The following LAMC3 variants were observed in gnomAD, a reference collection of about 807,000 sequenced individuals.
LAMC3 encodes the protein laminin subunit gamma-3.
Under a neutral mutation model 173.8 loss-of-function variants are expected in LAMC3, and 128 were observed. That is an observed-to-expected ratio of 0.74 (90% CI 0.64 to 0.85). LAMC3 has a LOEUF of 0.85. LAMC3 is among the 40% of genes least tolerant of loss of function. The pLI, the probability that LAMC3 is intolerant of heterozygous loss-of-function variation, is 0.00. For missense variants in LAMC3, 2,022 were observed against 2,156.0 expected, an observed-to-expected ratio of 0.94 and a Z score of 1.23; for synonymous variants, 897 against 909.1, an observed-to-expected ratio of 0.99 and a Z score of 0.24.
intron 13 of LAMC3, among the ~76,000 whole-genome samples, chr9:131,062,193 C>G (rs1358736255): frequency 1.3e-5 from 2 of 151,996 alleles, no homozygotes; most frequent in East Asian, 1.9e-4. Flanking sequence ...AAACCCGTCT[C>G]TACTAAAAAT....
chr9:131,075,792 C>T (rs1216883782), intron 20 of LAMC3, 39 bp from the exon 21 acceptor site: 6 of 1,589,118 alleles, frequency 3.8e-6, no homozygotes, highest in South Asian at 2.3e-5. Context: ...CCCTTCCCTG[C>T]GAGCCCTTGG....
In LAMC3 at chr9:131,029,601, C is replaced by T. The variant is rs1373903291; in HGVS notation, c.679-2444C>T. The stretch of plus-strand genomic sequence containing the variant: ...GGCAAGTCTACCTTGCTCTTTTCTC[C>T]TCATGCTCCCTCTGGACACATTTAG... On this transcript the variant is annotated intron_variant, in intron 2 of 27. Transcript: ENST00000361069. This position sits in a 1 kb window ranked among gnomAD's most constrained non-coding sequence, Gnocchi z 4.6. 6.6e-6 allele frequency among the ~76,000 whole-genome samples: 1 copy of T among 152,242 alleles called. No homozygotes were observed. The highest frequency in any genetic ancestry group is 1.5e-5 in the Non-Finnish European group (1 of 68,048).
At chr9:131,041,841 A>G (rs1280112532) in intron 7 of LAMC3, 106 bp downstream of exon 7, 6 of 959,196 alleles carry the variant, frequency 6.3e-6, no homozygotes, top group Non-Finnish European at 9.7e-6. Context: ...CACGGTCTTC[A>G]TGGACTTGGG....
At chr9:131,043,662 T>A (rs1834096650) in intron 7 of LAMC3, among the ~76,000 whole-genome samples, 1 of 152,186 alleles carries the variant, frequency 6.6e-6, no homozygotes, top group South Asian at 2.1e-4. Flanking sequence ...TAGATGGGCA[T>A]GAAGAGACAA....
chr9:131,031,453 G>A (rs945111885), intron 2 of LAMC3, among the ~76,000 whole-genome samples: 4 of 152,218 alleles, frequency 2.6e-5, no homozygotes, highest in Non-Finnish European at 4.4e-5. Context: ...TCTCGTGGAA[G>A]AGATGTCACC....
chr9:131,023,580 A>T (rs1833667300), intron 1 of LAMC3, among the ~76,000 whole-genome samples: 1 of 152,192 alleles, frequency 6.6e-6, no homozygotes, highest in Non-Finnish European at 1.5e-5. Context: ...TCCACTTTGC[A>T]GAAATGTCTA....
At chr9:131,034,433 C>A (rs1392599930) in intron 3 of LAMC3, among the ~76,000 whole-genome samples, 1 of 152,268 alleles carries the variant, frequency 6.6e-6, no homozygotes, top group Non-Finnish European at 1.5e-5. Context: ...TCAGCTAAAG[C>A]ACCTGGAGCC....
chr9:131,092,555 C>T lies in LAMC3; in HGVS notation c.*768C>T, dbSNP rs1830444039. The T allele has an allele frequency of 6.5e-6, 1 of 152,758 alleles. No homozygotes were observed. Among genetic ancestry groups the T allele is most frequent in the Admixed American group, 6.5e-5 (1 of 15,368 alleles). 9.5% of individuals were successfully genotyped at this position (152,758 alleles called of 1,614,324 possible). On this transcript the variant is annotated 3_prime_UTR_variant, in exon 28 of 28. Transcript: ENST00000361069. The stretch of plus-strand genomic sequence containing the variant: ...CATTGCCTTCACCGGACGCTTCCCT[C>T]TCAGGGTCCTGGGACTGCACCAGAT...
intron 10 of LAMC3, 33 bp downstream of exon 10, chr9:131,052,716 AG>A: frequency 6.3e-7 from 1 of 1,586,934 alleles, no homozygotes; most frequent in Non-Finnish European, 8.6e-7. Flanking sequence ...AGAGATGGGG[AG>A]GTGAGAGGGG....
chr9:131,034,860 G>A (rs980290282), intron 3 of LAMC3, among the ~76,000 whole-genome samples: 1 of 152,252 alleles, frequency 6.6e-6, no homozygotes, highest in Non-Finnish European at 1.5e-5. Flanking sequence ...TCCTGTGTGT[G>A]GAATGGGGCC....
chr9:131,011,259 C>T (rs1833411633), intron 1 of LAMC3, among the ~76,000 whole-genome samples: 1 of 152,290 alleles, frequency 6.6e-6, no homozygotes, highest in African/African-American at 2.4e-5. Flanking sequence ...CATTTGGAGC[C>T]TAGGAGTTTG....
chr9:131,026,601 G>T lies in LAMC3; in HGVS notation c.678+12G>T, dbSNP rs1377470801. Reference sequence around the variant, plus strand: ...GCCCTGGGCTGCAGGTCAGGGAGGAGCGGGGCTTCGGAGGTTGGGACGGGG... The same window carrying T: ...GCCCTGGGCTGCAGGTCAGGGAGGATCGGGGCTTCGGAGGTTGGGACGGGG... On this transcript the variant is annotated intron_variant, in intron 2 of 27. Transcript: ENST00000361069. This position sits in a 1 kb window ranked among gnomAD's most constrained non-coding sequence, Gnocchi z 4.8. 1.3e-6 allele frequency: 2 copies of T among 1,565,036 alleles called. No homozygotes were observed. The highest frequency in any genetic ancestry group is 1.7e-6 in the Non-Finnish European group (2 of 1,155,618).
chr9:131,066,434 T>C (rs1829933696), intron 13 of LAMC3, among the ~76,000 whole-genome samples: 1 of 151,512 alleles, frequency 6.6e-6, no homozygotes, highest in African/African-American at 2.4e-5. Flanking sequence ...GAGGTTGCAG[T>C]GAGCCGAGAT....
At chr9:131,069,123 G>T in intron 16 of LAMC3, 73 bp downstream of exon 16, 1 of 1,512,076 alleles carries the variant, frequency 6.6e-7, no homozygotes, top group South Asian at 1.1e-5. Flanking sequence ...GATGACTGAT[G>T]GGGAAAATGG....
Position 131,077,213 on chromosome 9 carries a change from A to G in LAMC3, c.3656A>G (p.Lys1219Arg). ...DRYQEVQAAQ[K>R]ALRTAVAEVL... ...TACCAGGAGGTCCAGGCGGCCCAGA[A>G]AGCACTGAGGACGGCTGTGGCAGAG... The change falls in exon 22 of 28, where the codon AAA becomes AGA. Residue 1219 changes from lysine to arginine, a missense_variant. By Grantham distance (26) the Lys-to-Arg change is conservative. Transcript: ENST00000361069. 1 of 1,613,894 alleles carries G rather than the reference A, an allele frequency of 6.2e-7. No homozygotes were observed. The highest frequency in any genetic ancestry group is 2.2e-5 in the East Asian group (1 of 44,874).
At chr9:131,076,156 G>T (rs940458791) in intron 21 of LAMC3, among the ~76,000 whole-genome samples, 191 bp downstream of exon 21, 7 of 152,106 alleles carry the variant, frequency 4.6e-5, no homozygotes, top group African/African-American at 1.7e-4. Flanking sequence ...GTGAGTCGCA[G>T]TAACCCACTT....
intron 1 of LAMC3, among the ~76,000 whole-genome samples, chr9:131,013,841 C>G (rs1833469275): frequency 6.6e-6 from 1 of 152,082 alleles, no homozygotes; most frequent in Non-Finnish European, 1.5e-5. Context: ...TAGGGGGACC[C>G]TGTGGCCCCT....
chr9:131,064,759 G>C (rs1178768775), intron 13 of LAMC3, among the ~76,000 whole-genome samples: 2 of 152,054 alleles, frequency 1.3e-5, no homozygotes, highest in Non-Finnish European at 2.9e-5. Flanking sequence ...TGAGCAGCCG[G>C]GCGTGGTGGC....
chr9:131,041,608 A>G (rs754560657), intron 6 of LAMC3, 29 bp from the exon 7 acceptor site: 4 of 1,605,560 alleles, frequency 2.5e-6, no homozygotes, highest in African/African-American at 1.3e-5. Context: ...CTCATTGCAC[A>G]TTTTCCTCTT....
Sources: allele counts gnomAD v4.1 joint callset (sites outside exome capture counted in the v4.1 genomes callset), GRCh38; gene constraint gnomAD v4.1.1; non-coding constraint Gnocchi (gnomAD v3.1); transcripts MANE v1.5; gene names NCBI Gene and HGNC (gene_info 2026-07-23, HGNC 2026-07-21).